PRKCE: variants seen among roughly 807,000 people sequenced by gnomAD.
PRKCE encodes the protein protein kinase C epsilon, also known as protein kinase C epsilon type.
Under a neutral mutation model 85.4 loss-of-function variants are expected in PRKCE, and 16 were observed. The ratio of observed to expected loss-of-function variants is 0.19; its 90% confidence interval spans 0.13 to 0.28. PRKCE has a LOEUF of 0.28. PRKCE is among the 10% of genes least tolerant of loss of function. The pLI is 1.00. For synonymous variants in PRKCE, 388 were observed against 371.5 expected, an observed-to-expected ratio of 1.04 and a Z score of -0.51; for missense variants, 573 against 975.2, an observed-to-expected ratio of 0.59 and a Z score of 5.49.
At chr2:46,183,618 C>A (rs1680208868) in intron 14 of PRKCE, among the ~76,000 whole-genome samples, 2 of 152,192 alleles carry the variant, frequency 1.3e-5, no homozygotes, top group Non-Finnish European at 2.9e-5. Flanking sequence ...TCCCGCCATC[C>A]CCATGCCGCA....
At chr2:46,017,096 G>A (rs1706230786) in intron 10 of PRKCE, among the ~76,000 whole-genome samples, 2 of 150,416 alleles carry the variant, frequency 1.3e-5, no homozygotes, top group African/African-American at 2.5e-5. Flanking sequence ...CCGTTTTTAA[G>A]TGTACAGTTC....
chr2:46,060,341 G>A (rs746366799), intron 10 of PRKCE, among the ~76,000 whole-genome samples: 1 of 152,078 alleles, frequency 6.6e-6, no homozygotes, highest in African/African-American at 2.4e-5. Flanking sequence ...GGCACTGCCC[G>A]GGCAGCCCAA....
At chr2:45,873,312 A>G (rs1021433576) in intron 2 of PRKCE, among the ~76,000 whole-genome samples, 1 of 152,206 alleles carries the variant, frequency 6.6e-6, no homozygotes, top group Admixed American at 6.5e-5. Context: ...AATTGCCGCA[A>G]CATCCTAAGG....
At chr2:45,964,453 G>C (rs753225390) in intron 2 of PRKCE, among the ~76,000 whole-genome samples, 1 of 152,212 alleles carries the variant, frequency 6.6e-6, no homozygotes. Context: ...CCACTTGGCA[G>C]ATTTCCCAGG....
chr2:46,033,398 A>G (rs894429344), intron 10 of PRKCE, among the ~76,000 whole-genome samples: 2 of 152,114 alleles, frequency 1.3e-5, no homozygotes, highest in Non-Finnish European at 1.5e-5. Flanking sequence ...TTGCTGTCTC[A>G]GTTGACTATT....
chr2:45,839,906 T>A (rs560990247), intron 1 of PRKCE, among the ~76,000 whole-genome samples: 163 of 152,354 alleles, frequency 1.1e-3, no homozygotes, highest in Non-Finnish European at 1.8e-3. Flanking sequence ...TTTTTCTGTT[T>A]GGAAATGCAG....
At chr2:45,722,445 C>T (rs1193862822) in intron 1 of PRKCE, among the ~76,000 whole-genome samples, 1 of 152,158 alleles carries the variant, frequency 6.6e-6, no homozygotes, top group African/African-American at 2.4e-5. Flanking sequence ...TATGACCTTG[C>T]ATACCAACTG....
intron 1 of PRKCE, among the ~76,000 whole-genome samples, chr2:45,671,999 G>T (rs1283982831): frequency 6.8e-6 from 1 of 147,184 alleles, no homozygotes; most frequent in South Asian, 2.1e-4. Flanking sequence ...AAAGGTCAAA[G>T]GTACAATGAG....
intron 5 of PRKCE, among the ~76,000 whole-genome samples, chr2:45,982,936 G>A (rs1703007788): frequency 1.3e-5 from 2 of 152,194 alleles, no homozygotes; most frequent in East Asian, 3.8e-4. Context: ...TCTCAGTATA[G>A]GTCCACCATG....
intron 1 of PRKCE, chr2:45,840,533 C>G (rs994158430): frequency 7.2e-5 from 11 of 152,226 alleles, no homozygotes; most frequent in Non-Finnish European, 1.0e-4. Flanking sequence ...GGATTTAAAA[C>G]CGAAGATCCC....
intron 1 of PRKCE, among the ~76,000 whole-genome samples, chr2:45,705,083 A>G (rs1038659715): frequency 3.9e-5 from 6 of 152,142 alleles, no homozygotes; most frequent in Non-Finnish European, 8.8e-5. Flanking sequence ...AATGCCAGAG[A>G]CTTACTATCA....
In PRKCE at chr2:45,975,020, G is replaced by A. The variant is rs563547039; in HGVS notation, c.413-1409G>A. Among the ~76,000 whole-genome samples, 10 of 152,288 alleles carry A rather than the reference G, an allele frequency of 6.6e-5. No individual in the cohort carries two copies. In the South Asian group the frequency reaches 1.2e-3, roughly 19 times the overall value. On this transcript the variant is annotated intron_variant, in intron 2 of 14. Coordinates refer to ENST00000306156, the MANE Select transcript of PRKCE (RefSeq NM_005400.3). ...GGACTTTCTGTAAGGAGTGCAGGCC[G>A]TCCTTCAGAGCAGCGTGTGGGTGGA...
chr2:46,025,018 AAC>A (rs879743765), intron 10 of PRKCE, among the ~76,000 whole-genome samples: 4 of 152,228 alleles, frequency 2.6e-5, no homozygotes, highest in Non-Finnish European at 5.9e-5. Context: ...TCAGAGATTA[AAC>A]ACACTTCACA....
At chr2:46,084,988 G>T (rs1574428485) in intron 10 of PRKCE, among the ~76,000 whole-genome samples, 1 of 152,058 alleles carries the variant, frequency 6.6e-6, no homozygotes, top group Non-Finnish European at 1.5e-5. Flanking sequence ...TGTCTTTCAT[G>T]CATTCGACTC....
At chr2:46,058,016 A>C (rs545518101) in intron 10 of PRKCE, among the ~76,000 whole-genome samples, 22 of 152,334 alleles carry the variant, frequency 1.4e-4, no homozygotes, top group African/African-American at 5.3e-4. Context: ...TTACCTCCTA[A>C]TTCAGTTTCC....
chr2:45,668,524 G>T (rs1676017704), intron 1 of PRKCE, among the ~76,000 whole-genome samples: 1 of 152,136 alleles, frequency 6.6e-6, no homozygotes, highest in Non-Finnish European at 1.5e-5. Context: ...TAGACGGATG[G>T]TCTTTCTCCT....
At chr2:46,122,498 G>A (rs1329115788) in intron 11 of PRKCE, among the ~76,000 whole-genome samples, 1 of 152,122 alleles carries the variant, frequency 6.6e-6, no homozygotes, top group Non-Finnish European at 1.5e-5. Flanking sequence ...AGAGTGCTGG[G>A]ATTACAGGCA....
Position 46,184,942 on chromosome 2 carries a change from G to T in PRKCE, c.*61G>T. On this transcript the variant is annotated 3_prime_UTR_variant, in exon 15 of 15. Transcript: ENST00000306156. This position sits in a 1 kb window ranked among gnomAD's most constrained non-coding sequence, Gnocchi z 5.0. ...GAAGGGGTGCAGAGAAGACTCCTGTGTTGGAGACACTCAGCAGGTCTTGAA... is the reference window on the plus strand; with the variant it reads ...GAAGGGGTGCAGAGAAGACTCCTGTTTTGGAGACACTCAGCAGGTCTTGAA... The T allele has an allele frequency of 6.3e-7, 1 of 1,584,048 alleles. No homozygotes were observed. Among genetic ancestry groups the T allele is most frequent in the South Asian group, 1.1e-5 (1 of 89,510 alleles).
intron 11 of PRKCE, 123 bp from the exon 12 acceptor site, chr2:46,144,968 AAC>A: frequency 7.0e-7 from 1 of 1,426,868 alleles, no homozygotes; most frequent in Non-Finnish European, 9.6e-7. Flanking sequence ...GGTTTCAAGA[AAC>A]ACAAGCTTCT....
Sources: gnomAD v4.1 joint callset for allele counts (sites outside exome capture counted in the v4.1 genomes callset) on GRCh38, gnomAD v4.1.1 for gene constraint, Gnocchi (gnomAD v3.1) non-coding constraint, MANE v1.5 for transcripts, NCBI Gene and HGNC (gene_info 2026-07-23, HGNC 2026-07-21) for gene names.